Variants in KALRN observed in about 807,000 individuals in gnomAD.
KALRN encodes kalirin.
KALRN carries 70 observed loss-of-function variants against 353.7 expected under a neutral mutation model. The ratio of observed to expected loss-of-function variants is 0.20; its 90% CI spans 0.16 to 0.24. The LOEUF (loss-of-function observed/expected upper bound fraction) is 0.24. Ranked by LOEUF, KALRN falls within the 10% of genes least tolerant of loss-of-function variation. The pLI is 1.00. For missense variants in KALRN, 2,791 were observed against 3,756.7 expected (o/e 0.74, Z 6.72); for synonymous variants, 1,391 against 1,434.8 (o/e 0.97, Z 0.69).
intron 14 of KALRN, among the ~76,000 whole-genome samples, chr3:124,422,303 G>A (rs1016690997): frequency 6.6e-6 from 1 of 152,006 alleles, no homozygotes; most frequent in African/African-American, 2.4e-5. Flanking sequence ...AATTTAAAAG[G>A]AATTTTTAAA....
intron 57 of KALRN, among the ~76,000 whole-genome samples, chr3:124,706,813 G>A (rs996554708): frequency 5.3e-5 from 8 of 150,806 alleles, no homozygotes; most frequent in African/African-American, 9.7e-5. Context: ...CAGGTGATCC[G>A]CCTGCCTCAG....
At chr3:124,208,522 G>A (rs2076617686) in intron 1 of KALRN, among the ~76,000 whole-genome samples, 1 of 152,238 alleles carries the variant, frequency 6.6e-6, no homozygotes, top group Admixed American at 6.5e-5. Flanking sequence ...CTTGTGAACA[G>A]TTGTGATAGA....
At chr3:124,285,263 CCTT>C (rs1701561564) in intron 5 of KALRN, among the ~76,000 whole-genome samples, 1 of 152,034 alleles carries the variant, frequency 6.6e-6, no homozygotes, top group Non-Finnish European at 1.5e-5. Context: ...AGTAGTATAT[CCTT>C]CTTATCCTTA....
chr3:124,663,135 C>T (rs1020863866), intron 45 of KALRN, among the ~76,000 whole-genome samples: 2 of 152,100 alleles, frequency 1.3e-5, no homozygotes, highest in Admixed American at 6.5e-5. Context: ...TTAGTAGAGA[C>T]GGGGTTTCTC....
intron 37 of KALRN, among the ~76,000 whole-genome samples, chr3:124,640,202 A>T (rs1423710797): frequency 6.6e-6 from 1 of 152,154 alleles, no homozygotes; most frequent in African/African-American, 2.4e-5. Flanking sequence ...CAATGTACAG[A>T]TCAAAAGAAG....
chr3:124,435,726 A>G (rs1375833965), intron 17 of KALRN, among the ~76,000 whole-genome samples: 1 of 152,190 alleles, frequency 6.6e-6, no homozygotes, highest in Non-Finnish European at 1.5e-5. Context: ...TGATGGCCAC[A>G]GAAGTGAGGA....
At chr3:124,316,257 C>CT (rs1342198044) in intron 6 of KALRN, among the ~76,000 whole-genome samples, 2 of 152,186 alleles carry the variant, frequency 1.3e-5, no homozygotes, top group African/African-American at 4.8e-5. Flanking sequence ...GTAGTAGCTC[C>CT]TACCTGGTCT....
chr3:124,697,589 A>G lies in KALRN; in HGVS notation c.7700-4A>G, dbSNP rs745856191. The G allele has an allele frequency of 6.3e-6, 10 of 1,599,442 alleles. No homozygotes were observed. The highest frequency in any genetic ancestry group is 1.1e-5 in the South Asian group (1 of 88,148). On this transcript the variant is annotated splice_polypyrimidine_tract_variant and splice_region_variant and intron_variant, in intron 54 of 59. Coordinates refer to ENST00000682506, the MANE Select transcript of KALRN (RefSeq NM_001388419.1). ...GCACCTGATCCTGATTTCTGTCTCC[A>G]TAGGTGTTCCAGCAGCCCCTAACCG...
chr3:124,642,806 G>GTTTTTTTTTTGTTGTTGTTTTTTTTTTT lies in KALRN; in HGVS notation c.5664+5513_5664+5514insGTTGTTGTTTTTTTTTTTTTTTTTTTTT, dbSNP rs1553707031. On this transcript the variant is annotated intron_variant, in intron 37 of 59. Transcript: ENST00000682506. ...TCTGTGGAAGAGATTCCCAAGCCTC[G>GTTTTTTTTTTGTTGTTGTTTTTTTTTTT]TTTTTTTTTTTTTTTTTTTTGAGAC... 1.3e-3 allele frequency among the ~76,000 whole-genome samples: 122 copies of GTTTTTTTTTTGTTGTTGTTTTTTTTTTT among 96,814 alleles called. 4 individuals are homozygous for GTTTTTTTTTTGTTGTTGTTTTTTTTTTT. The highest frequency in any genetic ancestry group is 3.5e-3 in the African/African-American group (79 of 22,306). 63.5% of individuals were successfully genotyped at this position (96,814 alleles called of 152,430 possible).
chr3:124,345,150 C>T (rs952343359), intron 9 of KALRN, among the ~76,000 whole-genome samples: 14 of 152,170 alleles, frequency 9.2e-5, no homozygotes, highest in African/African-American at 3.4e-4. Flanking sequence ...GTTATAAATT[C>T]CAACACATTC....
At chr3:124,437,309 G>T (rs1469637559) in intron 17 of KALRN, among the ~76,000 whole-genome samples, 1 of 152,260 alleles carries the variant, frequency 6.6e-6, no homozygotes, top group Non-Finnish European at 1.5e-5. Context: ...TGAGAAGCAT[G>T]TCTGGCTATG....
rs930711627 is a variant in KALRN, at chr3:124,726,202, T to C, written c.*6732T>C. Reference sequence around the variant, plus strand: ...AAGTCAAAATCACTCATGTGTAATGTTGTAAAGTGATGACCTGCTGTCTTG... The same window carrying C: ...AAGTCAAAATCACTCATGTGTAATGCTGTAAAGTGATGACCTGCTGTCTTG... On this transcript the variant is annotated 3_prime_UTR_variant, in exon 60 of 60. Transcript: ENST00000682506. 1 of 152,246 alleles carries C rather than the reference T, an allele frequency of 6.6e-6. No individual in the cohort carries two copies. Among genetic ancestry groups the C allele is most frequent in the Non-Finnish European group, 1.5e-5 (1 of 68,036 alleles). 9.4% of individuals were successfully genotyped at this position (152,246 alleles called of 1,614,324 possible).
chr3:124,588,023 A>C (rs2075389220), intron 34 of KALRN, among the ~76,000 whole-genome samples: 2 of 142,288 alleles, frequency 1.4e-5, no homozygotes, highest in Admixed American at 1.4e-4. Context: ...TGAGTACAGA[A>C]AGCAGGTTTG....
At chr3:124,247,997 C>A (rs537147068) in intron 3 of KALRN, among the ~76,000 whole-genome samples, 6 of 152,296 alleles carry the variant, frequency 3.9e-5, no homozygotes, top group African/African-American at 1.2e-4. Context: ...ATTACCTAAA[C>A]AAAACAAGTG....
At chr3:124,247,498 A>G (rs2070468657) in intron 3 of KALRN, among the ~76,000 whole-genome samples, 1 of 152,108 alleles carries the variant, frequency 6.6e-6, no homozygotes, top group Non-Finnish European at 1.5e-5. Context: ...GGGGATATAA[A>G]TAGTGTGGTG....
chr3:124,681,379 G>A (rs1158250465), intron 51 of KALRN, among the ~76,000 whole-genome samples: 1 of 152,164 alleles, frequency 6.6e-6, no homozygotes, highest in African/African-American at 2.4e-5. Flanking sequence ...GTCCTCAGGA[G>A]GTGCTGTGGA....
intron 33 of KALRN, among the ~76,000 whole-genome samples, chr3:124,527,762 T>A (rs116057501): frequency 0.01 from 1,581 of 152,168 alleles, 25 homozygotes; most frequent in African/African-American, 0.036. Context: ...AGTGGGAACC[T>A]CAAACTATTC....
At chr3:124,499,181 A>G (rs559361295) in intron 33 of KALRN, among the ~76,000 whole-genome samples, 16 of 152,254 alleles carry the variant, frequency 1.1e-4, no homozygotes, top group African/African-American at 2.6e-4. Flanking sequence ...TTAAAGAGCC[A>G]TGACACACCA....
At chr3:124,632,168 C>T (rs970312198) in intron 34 of KALRN, among the ~76,000 whole-genome samples, 1 of 152,210 alleles carries the variant, frequency 6.6e-6, no homozygotes, top group African/African-American at 2.4e-5. Context: ...GTAAACTCCG[C>T]GAAGGCAGGA....
Sources: allele counts gnomAD v4.1 joint callset (sites outside exome capture counted in the v4.1 genomes callset), GRCh38; gene constraint gnomAD v4.1.1; transcripts MANE v1.5; gene names NCBI Gene and HGNC (gene_info 2026-07-23, HGNC 2026-07-21).